Variants in TTC12 observed in about 807,000 individuals in gnomAD.
The protein encoded by TTC12 is tetratricopeptide repeat protein 12.
A neutral mutation model predicts 90.1 loss-of-function variants in TTC12; 70 were observed. That is an observed-to-expected ratio of 0.78 (90% CI 0.64 to 0.95). TTC12 has a LOEUF of 0.95. TTC12 is among the 40% of genes least tolerant of loss of function. The probability of loss-of-function intolerance (pLI) is 0.00; values close to 1 mark genes in which losing one functional copy is unlikely to be tolerated. For missense variants in TTC12, 819 were observed against 846.1 expected (o/e 0.97, Z 0.40); for synonymous variants, 296 against 311.5 (o/e 0.95, Z 0.53).
At chr11:113,371,807 G>T (rs138270576) in intron 21 of TTC12, among the ~76,000 whole-genome samples, 104 of 152,218 alleles carry the variant, frequency 6.8e-4, no homozygotes, top group Non-Finnish European at 1.1e-3. Flanking sequence ...TTAGCCCCTC[G>T]ATTGCCTTGT....
chr11:113,333,346 A>G (rs890407899), intron 7 of TTC12, among the ~76,000 whole-genome samples: 6 of 152,202 alleles, frequency 3.9e-5, no homozygotes, highest in Admixed American at 1.3e-4. Context: ...CTGTGTCACT[A>G]AGACTCAGCC....
At chr11:113,322,879 C>T (rs7950569) in intron 2 of TTC12, among the ~76,000 whole-genome samples, 89,720 of 151,804 alleles carry the variant, frequency 0.59, 26,855 homozygotes, top group Non-Finnish European at 0.63. Flanking sequence ...TTAAGGGCTG[C>T]TGTTTTGCGA....
intron 13 of TTC12, among the ~76,000 whole-genome samples, chr11:113,349,279 G>T (rs1448690053): frequency 2.0e-5 from 3 of 152,196 alleles, no homozygotes; most frequent in Non-Finnish European, 4.4e-5. Flanking sequence ...ACCTAAGACA[G>T]TTTATCTTAT....
intron 5 of TTC12, 60 bp from the exon 6 acceptor site, chr11:113,325,464 A>C: frequency 6.3e-7 from 1 of 1,593,788 alleles, no homozygotes; most frequent in Non-Finnish European, 8.6e-7. Context: ...GGGGGAATAA[A>C]GTCTGAGAGA....
In TTC12 at chr11:113,334,612, G is replaced by A. The variant is rs570368066; in HGVS notation, c.505-354G>A. On this transcript the variant is annotated intron_variant, in intron 7 of 21. Transcript: ENST00000529221. ...TCTTATCCCAGAGTATAATGTAATT[G>A]ACATGGGGTGCAGGGCCGGCAGGAT... is the stretch of plus-strand genomic sequence containing the variant. Among the ~76,000 whole-genome samples, 8 of 151,782 alleles carry A rather than the reference G, an allele frequency of 5.3e-5. No individual in the cohort carries two copies. The South Asian group carries it at 1.7e-3, about 32-fold the overall frequency.
chr11:113,324,733 G>T, intron 5 of TTC12, 51 bp downstream of exon 5: 6 of 1,522,088 alleles, frequency 3.9e-6, no homozygotes, highest in Non-Finnish European at 5.4e-6. Context: ...GTGCTAGAAA[G>T]AGCACACGAA....
intron 2 of TTC12, among the ~76,000 whole-genome samples, chr11:113,320,649 A>G (rs1947255030): frequency 6.6e-6 from 1 of 152,240 alleles, no homozygotes; most frequent in Non-Finnish European, 1.5e-5. Context: ...AAAAGCTGTC[A>G]CTTCCCTCTG....
chr11:113,362,701 TA>T (rs1264153570), intron 19 of TTC12, among the ~76,000 whole-genome samples, 199 bp downstream of exon 19: 1 of 152,364 alleles, frequency 6.6e-6, no homozygotes, highest in South Asian at 2.1e-4. Flanking sequence ...GATTGTTGAA[TA>T]AATAAGAAAA....
At chr11:113,329,552 A>G (rs1255578647) in intron 6 of TTC12, 7 of 463,826 alleles carry the variant, frequency 1.5e-5, no homozygotes, top group African/African-American at 7.9e-5. Context: ...GCTCTGGTGA[A>G]GGCCTCAGCT....
At chr11:113,325,458 G>T in intron 5 of TTC12, 66 bp from the exon 6 acceptor site, 3 of 1,584,644 alleles carry the variant, frequency 1.9e-6, no homozygotes, top group South Asian at 1.1e-5. Flanking sequence ...AAAATCGGGG[G>T]AATAAAGTCT....
intron 7 of TTC12, among the ~76,000 whole-genome samples, chr11:113,330,758 G>A (rs571146637): frequency 2.0e-5 from 3 of 152,144 alleles, no homozygotes; most frequent in Non-Finnish European, 4.4e-5. Context: ...GAAGCAGAAA[G>A]CATGAAATTT....
intron 6 of TTC12, among the ~76,000 whole-genome samples, chr11:113,328,425 G>T (rs1190682085): frequency 6.6e-6 from 1 of 152,106 alleles, no homozygotes; most frequent in Non-Finnish European, 1.5e-5. Context: ...AATGGATCAC[G>T]GAATTCTGAG....
intron 8 of TTC12, among the ~76,000 whole-genome samples, chr11:113,336,601 A>T (rs1202174180): frequency 6.6e-6 from 1 of 152,138 alleles, no homozygotes; most frequent in Non-Finnish European, 1.5e-5. Context: ...TTGCCTGTAG[A>T]TGTCTACTTG....
intron 21 of TTC12, among the ~76,000 whole-genome samples, chr11:113,365,977 T>C (rs1950181460): frequency 1.3e-5 from 2 of 152,242 alleles, no homozygotes; most frequent in African/African-American, 2.4e-5. Flanking sequence ...AGCAAGGTCC[T>C]GTCTGATCAG....
At chr11:113,322,855 A>G (rs1346591426) in intron 2 of TTC12, among the ~76,000 whole-genome samples, 3 of 152,204 alleles carry the variant, frequency 2.0e-5, no homozygotes, top group African/African-American at 7.2e-5. Context: ...AAGTGAAGAC[A>G]GGTGAGGATA....
rs782011826 is a variant in TTC12 at position 113,350,162 on chromosome 11, A to C, written c.1244A>C (p.Glu415Ala). The C allele has an allele frequency of 1.2e-6, 2 of 1,606,974 alleles. No individual in the cohort carries two copies. The highest frequency in any genetic ancestry group is 3.4e-5 in the Admixed American group (2 of 59,604). The part of the protein sequence containing the change: ...MGLFTDLALE[E>A]RFQVWFQANL... ...CTGTTCACAGACTTGGCTCTGGAAG[A>C]AAGGTAATTTTTTTATTTATAGAAA... The change falls in exon 14 of 22, where the codon GAA becomes GCA. Residue 415 changes from glutamate to alanine, a missense_variant. Physicochemically the swap from Glu to Ala is moderately radical, Grantham distance 107 (BLOSUM62 -1). Transcript: ENST00000529221.
intron 16 of TTC12, among the ~76,000 whole-genome samples, chr11:113,352,628 A>G (rs1229086094): frequency 6.6e-6 from 1 of 151,900 alleles, no homozygotes; most frequent in Non-Finnish European, 1.5e-5. Flanking sequence ...GGCAGGCCCC[A>G]GTGTGTGTTG....
Position 113,373,123 on chromosome 11 carries a change from G to A in TTC12, c.*121-1G>A. ...GTTCTATCATTATTCTCCCTTTACAGATGAGGAAACTGAGGTGCAAAGCAG... is the reference window on the plus strand; with the variant it reads ...GTTCTATCATTATTCTCCCTTTACAAATGAGGAAACTGAGGTGCAAAGCAG... On this transcript the variant is annotated splice_acceptor_variant, in intron 21 of 21. Transcript: ENST00000314756. LOFTEE classifies it low-confidence loss of function (3UTR_SPLICE). 1.2e-6 allele frequency: 1 copy of A among 861,960 alleles called. No homozygotes were observed. Among genetic ancestry groups the A allele is most frequent in the Non-Finnish European group, 1.4e-6 (1 of 717,516 alleles). 53.4% of individuals were successfully genotyped at this position (861,960 alleles called of 1,614,324 possible).
At chr11:113,327,868 T>C (rs960769422) in intron 6 of TTC12, among the ~76,000 whole-genome samples, 28 of 152,166 alleles carry the variant, frequency 1.8e-4, no homozygotes, top group African/African-American at 6.5e-4. Context: ...CTTCTCTAAT[T>C]AGTACAGAAC....
Sources: allele counts gnomAD v4.1 joint callset (sites outside exome capture counted in the v4.1 genomes callset), GRCh38; gene constraint gnomAD v4.1.1; transcripts MANE v1.5; gene names NCBI Gene and HGNC (gene_info 2026-07-23, HGNC 2026-07-21).